The following SLC28A1 variants were observed in gnomAD, a reference collection of about 807,000 sequenced individuals.
SLC28A1 encodes the protein solute carrier family 28 member 1, also known as sodium/nucleoside cotransporter 1.
SLC28A1 carries 64 observed loss-of-function variants against 74.8 expected under a neutral mutation model. The ratio of observed to expected loss-of-function variants is 0.86; its 90% confidence interval spans 0.70 to 1.05. The LOEUF (loss-of-function observed/expected upper bound fraction) is 1.05. Ranked by LOEUF, SLC28A1 falls within the 50% of genes least tolerant of loss-of-function variation. The pLI is 0.00. For synonymous variants in SLC28A1, 359 were observed against 335.0 expected (o/e 1.07, Z -0.78); for missense variants, 828 against 822.8 (o/e 1.01, Z -0.08).
intron 13 of SLC28A1, among the ~76,000 whole-genome samples, chr15:84,933,791 A>G (rs891545954): frequency 6.6e-6 from 1 of 152,206 alleles, no homozygotes. Context: ...CCTGGCCAAC[A>G]TGGTGAAACC....
intron 6 of SLC28A1, among the ~76,000 whole-genome samples, chr15:84,901,144 C>T (rs568710183): frequency 9.9e-5 from 15 of 152,200 alleles, no homozygotes; most frequent in East Asian, 5.8e-4. Context: ...ATCGCTTGAA[C>T]GTGGGAGGCA....
At chr15:84,924,835 TAA>T (rs1970288113) in intron 12 of SLC28A1, among the ~76,000 whole-genome samples, 1 of 152,148 alleles carries the variant, frequency 6.6e-6, no homozygotes. Context: ...CAGAAACAAA[TAA>T]GTTTTTAAAT....
At chr15:84,965,899 GGGGA>G in the SLC28A1 span, among the ~76,000 whole-genome samples, 2 of 145,088 alleles carry the variant, frequency 1.4e-5, no homozygotes, top group Admixed American at 7.0e-5. Context: ...GGAGGGAGGC[GGGGA>G]GGGGGGGGAA....
chr15:84,948,872 T>C (rs975062837), downstream of SLC28A1, among the ~76,000 whole-genome samples: 1 of 152,208 alleles, frequency 6.6e-6, no homozygotes, highest in African/African-American at 2.4e-5. Flanking sequence ...CTGAGAAGGT[T>C]CTTTTTTGAT....
chr15:84,950,442 A>G (rs2079381303), downstream of SLC28A1, among the ~76,000 whole-genome samples: 1 of 149,462 alleles, frequency 6.7e-6, no homozygotes, highest in Non-Finnish European at 1.5e-5. Context: ...TACATTTCTC[A>G]GCTAGGCGCG....
At chr15:84,930,392 G>A (rs72754945) in intron 12 of SLC28A1, among the ~76,000 whole-genome samples, 5,099 of 152,306 alleles carry the variant, frequency 0.033, 120 homozygotes, top group East Asian at 0.052. Flanking sequence ...CACACCCAGT[G>A]TCCACACAGG....
chr15:84,916,240 C>CAGGTGTGAGCCCCCATGCCTGGCCTTT (rs1555449976), intron 9 of SLC28A1, among the ~76,000 whole-genome samples: 6 of 98,404 alleles, frequency 6.1e-5, no homozygotes, highest in East Asian at 5.9e-4. Context: ...GCTGGGATTA[C>CAGGTGTGAGCCCCCATGCCTGGCCTTT]TTTTTTTTTT....
intron 8 of SLC28A1, among the ~76,000 whole-genome samples, chr15:84,906,560 CT>C (rs1567140386): frequency 2.3e-4 from 19 of 83,970 alleles, no homozygotes; most frequent in South Asian, 8.4e-4. Flanking sequence ...TTCTTTCTTT[CT>C]TTCTCTTTCT....
chr15:84,903,101 A>T (rs1966838916), intron 6 of SLC28A1, among the ~76,000 whole-genome samples: 1 of 152,260 alleles, frequency 6.6e-6, no homozygotes, highest in Non-Finnish European at 1.5e-5. Context: ...GTTGGCACAA[A>T]AACAAGGCAA....
chr15:84,915,072 A>T (rs1475749792), intron 9 of SLC28A1, among the ~76,000 whole-genome samples: 1 of 152,088 alleles, frequency 6.6e-6, no homozygotes, highest in East Asian at 1.9e-4. Flanking sequence ...CCCTCTCAGG[A>T]TCCACTGGAC....
At chr15:84,908,391 C>T (rs1967587113) in intron 8 of SLC28A1, among the ~76,000 whole-genome samples, 1 of 151,914 alleles carries the variant, frequency 6.6e-6, no homozygotes, top group African/African-American at 2.4e-5. Context: ...ACCATGTTTG[C>T]CAAGCTGGTT....
At chr15:84,970,790 G>C in the SLC28A1 span, among the ~76,000 whole-genome samples, 2 of 151,886 alleles carry the variant, frequency 1.3e-5, no homozygotes, top group African/African-American at 4.8e-5. Context: ...TTGAACCCAG[G>C]AGTTTTAGAC....
At chr15:84,922,494 C>T (rs918327018) in intron 11 of SLC28A1, among the ~76,000 whole-genome samples, 19 of 152,154 alleles carry the variant, frequency 1.2e-4, no homozygotes, top group African/African-American at 4.6e-4. Flanking sequence ...ATTCCCACAG[C>T]GCTGCCTCTG....
intron 9 of SLC28A1, among the ~76,000 whole-genome samples, chr15:84,917,585 C>A (rs538155320): frequency 6.6e-6 from 1 of 151,548 alleles, no homozygotes; most frequent in African/African-American, 2.4e-5. Flanking sequence ...CCCCCCACCC[C>A]CTTCTTAAAC....
At chr15:84,908,472 C>G (rs1178403058) in intron 8 of SLC28A1, among the ~76,000 whole-genome samples, 3 of 152,184 alleles carry the variant, frequency 2.0e-5, no homozygotes, top group African/African-American at 4.8e-5. Flanking sequence ...GTGTGAGCCA[C>G]TGCACCCAGC....
intron 4 of SLC28A1, 78 bp from the exon 5 acceptor site, chr15:84,890,365 C>A (rs1965224550): frequency 2.9e-6 from 3 of 1,047,656 alleles, no homozygotes; most frequent in Non-Finnish European, 4.3e-6. Context: ...TGGGGACATA[C>A]CTGAGTGGAG....
chr15:84,952,170 C>G, the SLC28A1 span, among the ~76,000 whole-genome samples: 19 of 152,182 alleles, frequency 1.2e-4, no homozygotes, highest in Non-Finnish European at 2.8e-4. Context: ...TCCTGCTCCC[C>G]TCCCACCTGC....
intron 12 of SLC28A1, chr15:84,926,653 A>G (rs1970539939): frequency 7.4e-6 from 3 of 407,468 alleles, no homozygotes; most frequent in African/African-American, 2.1e-5. Flanking sequence ...TACAGTCATA[A>G]GCTGGGTAAG....
the SLC28A1 span, among the ~76,000 whole-genome samples, chr15:84,963,069 G>A: frequency 6.6e-6 from 1 of 152,182 alleles, no homozygotes; most frequent in African/African-American, 2.4e-5. Context: ...CTGGGACCTT[G>A]GCAAAATCTT....
Sources: gnomAD v4.1 joint callset for allele counts (sites outside exome capture counted in the v4.1 genomes callset) on GRCh38, gnomAD v4.1.1 for gene constraint, MANE v1.5 for transcripts, NCBI Gene and HGNC (gene_info 2026-07-23, HGNC 2026-07-21) for gene names.